The following DPP6 variants were observed in gnomAD, a reference collection of about 807,000 sequenced individuals.
DPP6 encodes the protein dipeptidyl peptidase like 6.
Under a neutral mutation model 122.6 loss-of-function variants are expected in DPP6, and 69 were observed. The observed-to-expected ratio is 0.56, with a 90% CI of 0.46 to 0.69. The LOEUF is 0.69. Ranked by LOEUF, DPP6 falls within the 30% of genes least tolerant of loss-of-function variation. The probability of loss-of-function intolerance (pLI) is 0.00; values close to 1 mark genes in which losing one functional copy is unlikely to be tolerated. For missense variants in DPP6, 928 were observed against 1,116.9 expected (o/e 0.83, Z 2.41); for synonymous variants, 418 against 433.1 (o/e 0.97, Z 0.43).
chr7:154,633,852 C>T (rs1336036563), intron 5 of DPP6, among the ~76,000 whole-genome samples: 1 of 152,082 alleles, frequency 6.6e-6, no homozygotes, highest in Non-Finnish European at 1.5e-5. Flanking sequence ...GAGTAGTGCT[C>T]GAGTCACACT....
intron 1 of DPP6, among the ~76,000 whole-genome samples, chr7:154,250,950 G>T (rs1354132280): frequency 5.9e-5 from 9 of 152,162 alleles, no homozygotes; most frequent in Admixed American, 5.9e-4. Context: ...TTCAAAAGGG[G>T]CGTCCCTAGT....
At chr7:154,717,328 T>A (rs1412694210) in intron 7 of DPP6, among the ~76,000 whole-genome samples, 1 of 152,080 alleles carries the variant, frequency 6.6e-6, no homozygotes, top group Non-Finnish European at 1.5e-5. Context: ...GACTTATTCC[T>A]TCTACCTCAT....
intron 1 of DPP6, among the ~76,000 whole-genome samples, chr7:153,923,082 G>C (rs1800716325): frequency 6.6e-6 from 1 of 152,242 alleles, no homozygotes; most frequent in African/African-American, 2.4e-5. Context: ...TCCCCAGAAA[G>C]CAAGGATGGA....
At chr7:154,028,077 CTGCCCAGG>C (rs1213624828) in intron 1 of DPP6, among the ~76,000 whole-genome samples, 3 of 150,964 alleles carry the variant, frequency 2.0e-5, no homozygotes, top group Non-Finnish European at 4.4e-5. Flanking sequence ...CTCCCATGGG[CTGCCCAGG>C]TGCCCAGGCG....
At chr7:153,857,322 T>TTTTCTCTCTCTCTC in the DPP6 span, among the ~76,000 whole-genome samples, 6 of 124,390 alleles carry the variant, frequency 4.8e-5, no homozygotes, top group Non-Finnish European at 9.9e-5. Flanking sequence ...CTCAAAGGTT[T>TTTTCTCTCTCTCTC]TCTCTCTCTC....
intron 5 of DPP6, among the ~76,000 whole-genome samples, chr7:154,623,653 GCGCACACACACGCA>G (rs1834874560): frequency 7.4e-6 from 1 of 134,596 alleles, no homozygotes; most frequent in African/African-American, 3.7e-5. Flanking sequence ...GCGCACACAC[GCGCACACACACGCA>G]CACACACACG....
chr7:154,249,756 C>T (rs1001875132), intron 1 of DPP6, among the ~76,000 whole-genome samples: 5 of 152,130 alleles, frequency 3.3e-5, no homozygotes, highest in African/African-American at 1.2e-4. Context: ...CATATGCACA[C>T]AATCTTGCAT....
chr7:154,028,613 G>T (rs937622466), intron 1 of DPP6, among the ~76,000 whole-genome samples: 2 of 151,796 alleles, frequency 1.3e-5, no homozygotes. Context: ...AAGGATCCCT[G>T]TGGCAAGCCC....
At chr7:154,772,201 C>A (rs992920417) in intron 9 of DPP6, among the ~76,000 whole-genome samples, 1 of 152,240 alleles carries the variant, frequency 6.6e-6, no homozygotes, top group African/African-American at 2.4e-5. Flanking sequence ...CCCATTCCCA[C>A]CCACTCCTAA....
At chr7:154,183,455 T>G (rs933059407) in intron 1 of DPP6, among the ~76,000 whole-genome samples, 1 of 152,246 alleles carries the variant, frequency 6.6e-6, no homozygotes, top group South Asian at 2.1e-4. Context: ...CTAAACACTC[T>G]AAATATGTCC....
intron 6 of DPP6, among the ~76,000 whole-genome samples, chr7:154,648,638 G>A (rs978436974): frequency 5.3e-5 from 8 of 152,018 alleles, no homozygotes; most frequent in African/African-American, 9.7e-5. Context: ...TCACGCTTTC[G>A]GCCGGGCGTG....
the DPP6 span, among the ~76,000 whole-genome samples, chr7:153,779,924 A>T: frequency 5.1e-4 from 77 of 152,016 alleles, no homozygotes; most frequent in African/African-American, 1.8e-3. Flanking sequence ...TACATGAAGG[A>T]TATGTACGAA....
At chr7:154,431,692 G>A (rs1374407536) in intron 1 of DPP6, among the ~76,000 whole-genome samples, 6 of 151,552 alleles carry the variant, frequency 4.0e-5, no homozygotes, top group African/African-American at 9.7e-5. Context: ...ATGCCACCAC[G>A]CCTGGCTAAT....
At chr7:154,187,511 G>A (rs1456827478) in intron 1 of DPP6, among the ~76,000 whole-genome samples, 1 of 152,182 alleles carries the variant, frequency 6.6e-6, no homozygotes, top group Non-Finnish European at 1.5e-5. Context: ...CTGTGCACTG[G>A]AAGAGCTCCT....
intron 20 of DPP6, chr7:154,876,461 G>A (rs761776481): frequency 1.8e-4 from 35 of 197,416 alleles, no homozygotes; most frequent in Non-Finnish European, 3.1e-4. Flanking sequence ...AAGAGATCAG[G>A]AAGGAAGGAC....
intron 1 of DPP6, among the ~76,000 whole-genome samples, chr7:153,905,439 T>C (rs1799808261): frequency 6.6e-6 from 1 of 152,182 alleles, no homozygotes; most frequent in Non-Finnish European, 1.5e-5. Flanking sequence ...ATTATTATTA[T>C]ATTAACATAA....
chr7:154,518,184 T>C (rs1435297672), intron 3 of DPP6, among the ~76,000 whole-genome samples: 2 of 152,258 alleles, frequency 1.3e-5, no homozygotes, highest in African/African-American at 4.8e-5. Flanking sequence ...TGAGTCTTAC[T>C]GTGTGTTAGT....
chr7:154,879,547 T>C lies in DPP6; in HGVS notation c.2079-1341T>C, dbSNP rs569855431. Among the ~76,000 whole-genome samples the C allele has an allele frequency of 1.2e-4, 10 of 86,188 alleles. 2 individuals are homozygous for C. The highest frequency in any genetic ancestry group is 0.013 in the Middle Eastern group (2 of 156). 56.5% of individuals were successfully genotyped at this position (86,188 alleles called of 152,430 possible). ...CGGAGCCTGCAGTGAGCCGAGATTG[T>C]GCCACTGCACTCCAGCCTGGGCGAC... On this transcript the variant is annotated intron_variant, in intron 20 of 25. Transcript: ENST00000377770.
chr7:154,391,810 A>G (rs1814645424), intron 1 of DPP6, among the ~76,000 whole-genome samples: 1 of 152,196 alleles, frequency 6.6e-6, no homozygotes, highest in Non-Finnish European at 1.5e-5. Flanking sequence ...CACAATGTTT[A>G]GGATTCCCCT....
Sources: gnomAD v4.1 joint callset for allele counts (sites outside exome capture counted in the v4.1 genomes callset) on GRCh38, gnomAD v4.1.1 for gene constraint, MANE v1.5 for transcripts, NCBI Gene and HGNC (gene_info 2026-07-23, HGNC 2026-07-21) for gene names.